The following BBS2 variants were observed in gnomAD, a reference collection of about 807,000 sequenced individuals.
BBS2 encodes the protein BBSome complex member BBS2.
Under a neutral mutation model 83.0 loss-of-function variants are expected in BBS2, and 62 were observed. That is an observed-to-expected ratio of 0.75 (90% CI 0.61 to 0.92). BBS2 has a LOEUF of 0.92. Ranked by LOEUF, BBS2 falls within the 40% of genes least tolerant of loss-of-function variation. BBS2 has a pLI of 0.00. For synonymous variants in BBS2, 303 were observed against 326.1 expected, an observed-to-expected ratio of 0.93 and a Z score of 0.76; for missense variants, 784 against 901.0, an observed-to-expected ratio of 0.87 and a Z score of 1.66.
intron 17 of BBS2, chr16:56,478,291 T>C (rs1287303212): frequency 2.6e-5 from 4 of 152,222 alleles, no homozygotes; most frequent in East Asian, 3.9e-4. Context: ...CCTAAGTAGC[T>C]GGGATTACAG....
downstream of BBS2, among the ~76,000 whole-genome samples, chr16:56,484,006 ATT>A (rs531219312): frequency 0.64 from 83,117 of 130,050 alleles, 26,444 homozygotes; most frequent in African/African-American, 0.75. Flanking sequence ...CAGCCCAAAT[ATT>A]TTTTTTTTTT....
rs1166177963 is a variant in BBS2, at chr16:56,470,778, T to C, written c.*1-83A>G. On this transcript the variant is annotated intron_variant, in intron 17 of 17. Coordinates refer to the BBS2 transcript ENST00000682047. The stretch of plus-strand genomic sequence containing the variant: ...AGACAGACCCAGAGCCAGAGGAAAA[T>C]GAAACAAAGAAAGGTAAGCTGTTGT... The C allele has an allele frequency of 2.5e-6, 4 of 1,593,914 alleles. No individual in the cohort carries two copies. The East Asian group carries it at 9.0e-5, about 36-fold the overall frequency.
intron 4 of BBS2, among the ~76,000 whole-genome samples, chr16:56,510,455 C>T (rs1462746940): frequency 6.6e-6 from 1 of 152,114 alleles, no homozygotes; most frequent in East Asian, 1.9e-4. Flanking sequence ...TCTAGGGTAA[C>T]CATAAGAATA....
intron 11 of BBS2, chr16:56,500,422 T>TC (rs1192788097): frequency 4.0e-6 from 1 of 250,710 alleles, no homozygotes; most frequent in Non-Finnish European, 7.8e-6. Flanking sequence ...GGTCAGGAGT[T>TC]CAAGACCAGC....
At chr16:56,501,538 C>T in intron 9 of BBS2, 41 bp from the exon 10 acceptor site, 1 of 1,613,728 alleles carries the variant, frequency 6.2e-7, no homozygotes, top group Non-Finnish European at 8.5e-7. Flanking sequence ...GTCACCAAAA[C>T]ACTGAACTAA....
chr16:56,515,964 G>A (rs1200022581), intron 1 of BBS2: 1 of 152,214 alleles, frequency 6.6e-6, no homozygotes, highest in East Asian at 1.9e-4. Flanking sequence ...TTTTATAACA[G>A]TTCTGAACAA....
At position 56,494,574 on chromosome 16, in the gene BBS2, C is replaced by T. The variant is rs951342715; in HGVS notation, c.1910+2393G>A. On this transcript the variant is annotated intron_variant, in intron 15 of 16. Transcript: ENST00000245157. ...GATAAGCCTGAAACATTTCATCATACAAGAAAACAAAGAACCAACCAAATT... is the reference window on the plus strand; with the variant it reads ...GATAAGCCTGAAACATTTCATCATATAAGAAAACAAAGAACCAACCAAATT... 3.9e-5 allele frequency among the ~76,000 whole-genome samples: 6 copies of T among 152,204 alleles called. No individual in the cohort carries two copies. The East Asian group carries it at 1.2e-3, about 29-fold the overall frequency.
chr16:56,499,553 T>C (rs1466362836), intron 12 of BBS2: 10 of 508,090 alleles, frequency 2.0e-5, no homozygotes, highest in Admixed American at 1.8e-4. Flanking sequence ...CTGGTAAGAA[T>C]TCACCAATAA....
chr16:56,478,468 T>C (rs772914164), intron 17 of BBS2: 1 of 152,228 alleles, frequency 6.6e-6, no homozygotes, highest in Non-Finnish European at 1.5e-5. Flanking sequence ...GCCTTTTCTA[T>C]ATTCCAGCTG....
rs565857294 is a variant in BBS2 at position 56,471,199 on chromosome 16, A to C, written c.*1-504T>G. ...AAACCCCGTCTCTACTAAAAATACA[A>C]AAAAAAAAAAAAATTTGCCAGGCAT... On this transcript the variant is annotated intron_variant, in intron 17 of 17. Transcript: ENST00000682047. 1.5e-3 allele frequency among the ~76,000 whole-genome samples: 219 copies of C among 147,006 alleles called. 1 individual carries two copies. Among genetic ancestry groups the C allele is most frequent in the African/African-American group, 4.8e-3 (194 of 40,476 alleles).
At chr16:56,489,309 C>A (rs1482477910) in intron 15 of BBS2, among the ~76,000 whole-genome samples, 1 of 151,762 alleles carries the variant, frequency 6.6e-6, no homozygotes, top group Non-Finnish European at 1.5e-5. Context: ...CCACTGTGCT[C>A]CAGCCTGGGC....
At position 56,488,603 on chromosome 16, in the gene BBS2, G is replaced by A. The variant is rs147119343; in HGVS notation, c.1911-2865C>T. 2.9e-3 allele frequency among the ~76,000 whole-genome samples: 440 copies of A among 152,162 alleles called. 3 individuals are homozygous for A. Among genetic ancestry groups the A allele is most frequent in the African/African-American group, 9.9e-3 (413 of 41,552 alleles). On this transcript the variant is annotated intron_variant, in intron 15 of 16. Transcript: ENST00000245157. ...TTCAGGAAACTCTGTGTGTTCAGAT[G>A]TCTAGAAAATCTCTGAATGCTGTCC... is the stretch of plus-strand genomic sequence containing the variant.
Position 56,485,741 on chromosome 16 carries a change from G to A in BBS2, c.1911-3C>T. ...TATAACGACTCTTCATTGTTTTCCTGTGCAAATCAGTAGAAATTTGACATC... is the reference window on the plus strand; with the variant it reads ...TATAACGACTCTTCATTGTTTTCCTATGCAAATCAGTAGAAATTTGACATC... On this transcript the variant is annotated splice_region_variant and splice_polypyrimidine_tract_variant and intron_variant, in intron 15 of 16. Transcript: ENST00000245157. 1 of 1,613,642 alleles carries A rather than the reference G, an allele frequency of 6.2e-7. No homozygotes were observed. The highest frequency in any genetic ancestry group is 8.5e-7 in the Non-Finnish European group (1 of 1,179,774).
downstream of BBS2, among the ~76,000 whole-genome samples, chr16:56,482,631 C>A (rs1018111240): frequency 6.6e-6 from 1 of 152,084 alleles, no homozygotes; most frequent in African/African-American, 2.4e-5. Flanking sequence ...CGTAAAGTGG[C>A]CACATCAAAA....
At chr16:56,511,788 C>T (rs1437357147) in intron 2 of BBS2, among the ~76,000 whole-genome samples, 35 of 152,098 alleles carry the variant, frequency 2.3e-4, no homozygotes, top group Admixed American at 2.1e-3. Flanking sequence ...TGAACAAAAA[C>T]GATGTGACCT....
chr16:56,498,553 C>A lies in BBS2; in HGVS notation c.1543G>T (p.Gly515Cys), dbSNP rs181107019. The A allele has an allele frequency of 6.2e-7, 1 of 1,613,708 alleles. No homozygotes were observed. Among genetic ancestry groups the A allele is most frequent in the Admixed American group, 1.7e-5 (1 of 59,968 alleles). The change falls in exon 13 of 17, where the codon GGT becomes TGT. Residue 515 changes from glycine (G) to cysteine (C), a missense_variant. Physicochemically the swap from Gly to Cys is radical, Grantham distance 159. Transcript: ENST00000245157. The stretch of plus-strand genomic sequence containing the variant: ...TCTTCTGGTAACAGAAAGTTCTGAC[C>A]GAGCCATACAACAACCTTGAAAATG... ...ERAQRVVVWL[G>C]QNFLLPEDTH... is the part of the protein sequence containing the mutation.
chr16:56,480,768 G>A (rs937422976), downstream of BBS2, among the ~76,000 whole-genome samples: 3 of 152,162 alleles, frequency 2.0e-5, no homozygotes, highest in South Asian at 4.1e-4. Context: ...GAAAAGGGTC[G>A]AGGAGATCTA....
rs752429862 is a variant in BBS2, at chr16:56,510,053, A to G, written c.535-19T>C. ...CAAGAAGCTGAAGGGGAAATATCATACATGTTCAGGTGAGTAAGTGCAAAC... is the reference window on the plus strand; with the variant it reads ...CAAGAAGCTGAAGGGGAAATATCATGCATGTTCAGGTGAGTAAGTGCAAAC... On this transcript the variant is annotated intron_variant, in intron 4 of 16. Transcript: ENST00000245157. 18 of 1,612,572 alleles carry G rather than the reference A, an allele frequency of 1.1e-5. No individual in the cohort carries two copies. The highest frequency in any genetic ancestry group is 3.3e-5 in the Admixed American group (2 of 60,012).
At chr16:56,518,772 T>TTTTGGGCATGCCTCCGTC (rs1160468910) in intron 1 of BBS2, among the ~76,000 whole-genome samples, 6 of 100,094 alleles carry the variant, frequency 6.0e-5, no homozygotes, top group African/African-American at 9.6e-5. Flanking sequence ...TTCTGGACTA[T>TTTTGGGCATGCCTCCGTC]AAGCTTTCTG....
Sources: allele counts gnomAD v4.1 joint callset (sites outside exome capture counted in the v4.1 genomes callset), GRCh38; gene constraint gnomAD v4.1.1; transcripts MANE v1.5; gene names NCBI Gene and HGNC (gene_info 2026-07-23, HGNC 2026-07-21).